The following SERP2 variants were observed in gnomAD, a reference collection of about 807,000 sequenced individuals.
SERP2 encodes the protein stress associated endoplasmic reticulum protein family member 2.
SERP2 carries 6 observed loss-of-function variants against 9.1 expected under a neutral mutation model. The observed-to-expected ratio is 0.66, with a 90% CI of 0.36 to 1.30. SERP2 has a LOEUF of 1.30. Among genes scored for constraint, SERP2 ranks in the 50% most tolerant of loss-of-function variants. The pLI, the probability that SERP2 is intolerant of heterozygous loss-of-function variation, is 0.03. For missense variants in SERP2, 58 were observed against 81.9 expected, an observed-to-expected ratio of 0.71 and a Z score of 1.13; for synonymous variants, 37 against 27.3, an observed-to-expected ratio of 1.35 and a Z score of -1.10.
chr13:44,396,721 C>A (rs1018693195), intron 2 of SERP2, among the ~76,000 whole-genome samples: 3 of 152,152 alleles, frequency 2.0e-5, no homozygotes, highest in African/African-American at 7.2e-5. Flanking sequence ...AAATAAGTGC[C>A]GCTCTCCATA....
intron 1 of SERP2, among the ~76,000 whole-genome samples, chr13:44,375,655 A>G (rs1871607813): frequency 6.6e-6 from 1 of 152,220 alleles, no homozygotes; most frequent in Non-Finnish European, 1.5e-5. Context: ...ACAGTGAAAA[A>G]TAACTAGTCA....
At chr13:44,390,556 C>T (rs1286753280) in intron 2 of SERP2, 1 of 403,022 alleles carries the variant, frequency 2.5e-6, no homozygotes, top group Non-Finnish European at 5.0e-6. Context: ...GAAGACATCT[C>T]ATCAGCCATC....
rs551689017 is a variant in SERP2 at position 44,393,954 on chromosome 13, G to A, written c.158-3318G>A. On this transcript the variant is annotated intron_variant, in intron 2 of 2. Coordinates refer to ENST00000379179, the MANE Select transcript of SERP2 (RefSeq NM_001010897.3). ...ACTTTATTCAAAGTAGTGTCTCCAA[G>A]AAGGTTCATCTGTGAACATGTTAAG... Among the ~76,000 whole-genome samples the A allele has an allele frequency of 2.6e-5, 4 of 152,302 alleles. No homozygotes were observed. The East Asian group carries it at 7.7e-4, about 29-fold the overall frequency.
chr13:44,394,133 A>T (rs1354797118), intron 2 of SERP2, among the ~76,000 whole-genome samples: 1 of 151,574 alleles, frequency 6.6e-6, no homozygotes, highest in Non-Finnish European at 1.5e-5. Flanking sequence ...TCTTTCTATT[A>T]TTTTTATTTA....
chr13:44,383,525 C>T (rs887141357), intron 2 of SERP2, among the ~76,000 whole-genome samples: 4 of 150,714 alleles, frequency 2.7e-5, no homozygotes, highest in Non-Finnish European at 5.9e-5. Context: ...ATGTTAGCTC[C>T]ACCTCTCTGG....
At chr13:44,390,477 C>T (rs1595056088) in intron 2 of SERP2, 1 of 455,988 alleles carries the variant, frequency 2.2e-6, no homozygotes, top group Non-Finnish European at 4.4e-6. Flanking sequence ...AACTGGCTGG[C>T]CCTGAAGGAA....
At chr13:44,373,755 G>T (rs1361784042), upstream of SERP2, 2 of 406,298 alleles carry the variant, frequency 4.9e-6, no homozygotes, top group African/African-American at 2.1e-5. This position sits in a 1 kb window ranked among gnomAD's most constrained non-coding sequence, Gnocchi z 4.8. Flanking sequence ...GTGGCCGCGC[G>T]GGGTAGGTGG....
chr13:44,396,214 C>T (rs1355487758), intron 2 of SERP2: 1 of 166,766 alleles, frequency 6.0e-6, no homozygotes, highest in Non-Finnish European at 1.3e-5. Flanking sequence ...TCTTTCTATC[C>T]TTGAAGCGCA....
intron 2 of SERP2, among the ~76,000 whole-genome samples, chr13:44,383,140 A>T (rs995891647): frequency 6.6e-6 from 1 of 151,966 alleles, no homozygotes; most frequent in Non-Finnish European, 1.5e-5. Flanking sequence ...GCCAAAGCCT[A>T]CTCTCAGGCA....
At chr13:44,394,926 A>G (rs1872997510) in intron 2 of SERP2, among the ~76,000 whole-genome samples, 1 of 152,244 alleles carries the variant, frequency 6.6e-6, no homozygotes, top group African/African-American at 2.4e-5. Context: ...ACAGCCCTGC[A>G]AAGGCCATGA....
chr13:44,387,239 T>C (rs889217665), intron 2 of SERP2, among the ~76,000 whole-genome samples: 3 of 152,126 alleles, frequency 2.0e-5, no homozygotes, highest in African/African-American at 7.2e-5. Flanking sequence ...GTCACTGCTG[T>C]TTGTGCCCAG....
At chr13:44,384,919 T>C (rs1055147559) in intron 2 of SERP2, among the ~76,000 whole-genome samples, 12 of 152,244 alleles carry the variant, frequency 7.9e-5, no homozygotes, top group African/African-American at 2.7e-4. Flanking sequence ...TTCTCATTGG[T>C]GATTGGTTGG....
chr13:44,374,231 C>G, intron 1 of SERP2, 122 bp downstream of exon 1: 2 of 652,374 alleles, frequency 3.1e-6, no homozygotes, highest in Non-Finnish European at 2.3e-6. Flanking sequence ...CGGCCCGCCC[C>G]TTCTGCGGGG....
At chr13:44,388,086 T>TTA (rs1431866265) in intron 2 of SERP2, among the ~76,000 whole-genome samples, 1 of 152,176 alleles carries the variant, frequency 6.6e-6, no homozygotes, top group Non-Finnish European at 1.5e-5. Flanking sequence ...TATATTACTT[T>TTA]TATAAGCAGA....
At position 44,383,695 on chromosome 13, in the gene SERP2, G is replaced by A. The variant is rs1041772388; in HGVS notation, c.157+3982G>A. Among the ~76,000 whole-genome samples, 3 of 150,896 alleles carry A rather than the reference G, an allele frequency of 2.0e-5. No individual in the cohort carries two copies. In the South Asian group the frequency reaches 6.3e-4, roughly 32 times the overall value. On this transcript the variant is annotated intron_variant, in intron 2 of 2. Transcript: ENST00000379179. ...CCTGAGTAGCTGGAACTGCAAGCACGCACCACCATGCCCAGCTAATTTTTT... is the reference window on the plus strand; with the variant it reads ...CCTGAGTAGCTGGAACTGCAAGCACACACCACCATGCCCAGCTAATTTTTT...
chr13:44,383,544 G>GTTTTTTTTTTT lies in SERP2; in HGVS notation c.157+3839_157+3840insTTTTTTTTTTT, dbSNP rs373109847. Among the ~76,000 whole-genome samples the GTTTTTTTTTTT allele has an allele frequency of 3.3e-5, 3 of 91,830 alleles. 1 individual carries two copies. Among genetic ancestry groups the GTTTTTTTTTTT allele is most frequent in the African/African-American group, 8.3e-5 (2 of 24,140 alleles). 60.2% of individuals were successfully genotyped at this position (91,830 alleles called of 152,430 possible). ...TAGCTCCACCTCTCTGGAGGTTTGC[G>GTTTTTTTTTTT]TTTTTTTTGTTTTTTTTTTTTTGAG... On this transcript the variant is annotated intron_variant, in intron 2 of 2. Transcript: ENST00000379179.
chr13:44,376,230 G>C (rs1871639603), intron 1 of SERP2, among the ~76,000 whole-genome samples: 2 of 152,178 alleles, frequency 1.3e-5, no homozygotes, highest in African/African-American at 4.8e-5. Context: ...AGAGAAACTT[G>C]ATAAATCCTA....
At chr13:44,379,810 G>T in intron 2 of SERP2, 97 bp downstream of exon 2, 1 of 788,848 alleles carries the variant, frequency 1.3e-6, no homozygotes, top group South Asian at 1.8e-5. Flanking sequence ...AAACATACTG[G>T]TATGGGATTC....
chr13:44,381,977 T>C (rs1467267969), intron 2 of SERP2, among the ~76,000 whole-genome samples: 3 of 146,768 alleles, frequency 2.0e-5, no homozygotes, highest in Admixed American at 7.0e-5. Context: ...ATTTAGCACA[T>C]AGTTAGTGCT....
Sources: allele counts gnomAD v4.1 joint callset (sites outside exome capture counted in the v4.1 genomes callset), GRCh38; gene constraint gnomAD v4.1.1; non-coding constraint Gnocchi (gnomAD v3.1); transcripts MANE v1.5; gene names NCBI Gene and HGNC (gene_info 2026-07-23, HGNC 2026-07-21).